CSMD3: variants seen among roughly 807,000 people sequenced by gnomAD.
CSMD3 encodes the protein CUB and Sushi multiple domains 3, also known as CUB and sushi domain-containing protein 3.
CSMD3 carries 177 observed loss-of-function variants against 435.2 expected under a neutral mutation model. The ratio of observed to expected loss-of-function variants is 0.41; its 90% CI spans 0.36 to 0.46. The LOEUF is 0.46. Among genes scored for constraint, CSMD3 ranks in the 20% least tolerant of loss-of-function variants. The probability of loss-of-function intolerance (pLI) is 0.34; values close to 1 mark genes in which losing one functional copy is unlikely to be tolerated. For missense variants in CSMD3, 4,265 were observed against 4,504.6 expected, an observed-to-expected ratio of 0.95 and a Z score of 1.52; for synonymous variants, 1,656 against 1,520.5, an observed-to-expected ratio of 1.09 and a Z score of -2.07.
At chr8:113,326,906 T>C (rs944289172) in intron 1 of CSMD3, among the ~76,000 whole-genome samples, 2 of 152,092 alleles carry the variant, frequency 1.3e-5, no homozygotes, top group East Asian at 3.9e-4. Context: ...AATCACTCAA[T>C]AAAAAGATGG....
intron 36 of CSMD3, among the ~76,000 whole-genome samples, chr8:112,388,072 T>C (rs192178664): frequency 9.1e-4 from 139 of 152,230 alleles, no homozygotes; most frequent in Middle Eastern, 6.8e-3. Context: ...GAGACAGAAA[T>C]GTTAAGTAAG....
chr8:112,882,964 A>G (rs1418827865), intron 10 of CSMD3, among the ~76,000 whole-genome samples: 5 of 151,996 alleles, frequency 3.3e-5, no homozygotes, highest in Non-Finnish European at 7.4e-5. Context: ...CATATTTAAG[A>G]TTGAGAAGTG....
intron 1 of CSMD3, among the ~76,000 whole-genome samples, chr8:113,372,940 C>A (rs370480837): frequency 0.014 from 1,722 of 124,430 alleles, no homozygotes; most frequent in African/African-American, 0.016. Context: ...GACTCCGTCT[C>A]AAAAAAAAAA....
At chr8:112,881,292 A>G (rs1587563708) in intron 10 of CSMD3, among the ~76,000 whole-genome samples, 1 of 152,220 alleles carries the variant, frequency 6.6e-6, no homozygotes, top group East Asian at 1.9e-4. Flanking sequence ...GAGTCATATT[A>G]GAAAGTACTG....
chr8:113,052,379 T>C (rs1047079896), intron 5 of CSMD3, among the ~76,000 whole-genome samples: 8 of 152,224 alleles, frequency 5.3e-5, no homozygotes, highest in African/African-American at 1.9e-4. Context: ...TAGGTATCTG[T>C]AAGTAAAGGA....
intron 6 of CSMD3, among the ~76,000 whole-genome samples, chr8:112,979,937 A>T (rs937067554): frequency 6.6e-6 from 1 of 151,108 alleles, no homozygotes; most frequent in Non-Finnish European, 1.5e-5. Context: ...AATGATTTAC[A>T]TATATAAACA....
chr8:113,020,617 TAA>T (rs1370858045), intron 5 of CSMD3, among the ~76,000 whole-genome samples: 1 of 151,476 alleles, frequency 6.6e-6, no homozygotes, highest in Non-Finnish European at 1.5e-5. Flanking sequence ...TTCTTAATAA[TAA>T]GAGTTTCAGA....
chr8:112,910,357 G>C (rs1203091925), intron 10 of CSMD3, among the ~76,000 whole-genome samples: 2 of 151,712 alleles, frequency 1.3e-5, no homozygotes, highest in Non-Finnish European at 2.9e-5. Context: ...TCACAGAACT[G>C]CTGGGTTTCT....
intron 22 of CSMD3, among the ~76,000 whole-genome samples, chr8:112,589,778 C>T (rs938731167): frequency 4.6e-5 from 7 of 152,192 alleles, no homozygotes; most frequent in African/African-American, 1.7e-4. Flanking sequence ...ATGAAAACGT[C>T]AACTACATGA....
At chr8:112,712,318 TA>T (rs1350968558) in intron 13 of CSMD3, among the ~76,000 whole-genome samples, 2 of 152,202 alleles carry the variant, frequency 1.3e-5, no homozygotes, top group East Asian at 3.9e-4. Context: ...TTCAATTTGG[TA>T]AATGTAGTCT....
intron 27 of CSMD3, among the ~76,000 whole-genome samples, chr8:112,524,232 C>G (rs1347223016): frequency 2.0e-5 from 3 of 150,602 alleles, no homozygotes; most frequent in Non-Finnish European, 4.4e-5. Flanking sequence ...TGAAGACTAT[C>G]AAAAGGATCT....
intron 10 of CSMD3, among the ~76,000 whole-genome samples, chr8:112,914,391 C>T (rs2082515156): frequency 6.6e-6 from 1 of 151,718 alleles, no homozygotes; most frequent in African/African-American, 2.4e-5. Flanking sequence ...TAGTGGTAAA[C>T]AAAACATCCA....
chr8:112,430,288 GA>G (rs1813521516), intron 32 of CSMD3, among the ~76,000 whole-genome samples: 1 of 151,882 alleles, frequency 6.6e-6, no homozygotes, highest in Non-Finnish European at 1.5e-5. Flanking sequence ...TGGGAAAAAA[GA>G]AAGCAGTTAT....
chr8:112,823,714 A>G (rs1006125920), intron 12 of CSMD3, among the ~76,000 whole-genome samples: 2 of 152,020 alleles, frequency 1.3e-5, no homozygotes, highest in African/African-American at 4.8e-5. Context: ...GTTCTTTTGC[A>G]TTTGCTGAGG....
intron 12 of CSMD3, among the ~76,000 whole-genome samples, chr8:112,817,272 G>C (rs1247619385): frequency 6.6e-6 from 1 of 152,044 alleles, no homozygotes; most frequent in African/African-American, 2.4e-5. Context: ...TTGGTCTGCT[G>C]TATGCAGATG....
intron 4 of CSMD3, among the ~76,000 whole-genome samples, chr8:113,124,442 G>C (rs1363495413): frequency 2.0e-5 from 3 of 151,398 alleles, no homozygotes; most frequent in Non-Finnish European, 2.9e-5. Flanking sequence ...GGAAAAGTTT[G>C]ATGGGACTCT....
chr8:112,679,346 T>A (rs1226327636), intron 16 of CSMD3, among the ~76,000 whole-genome samples: 1 of 152,090 alleles, frequency 6.6e-6, no homozygotes, highest in Non-Finnish European at 1.5e-5. Flanking sequence ...TAAGATTGCT[T>A]CTGGCCCACT....
chr8:113,253,771 G>A (rs1367899182), intron 3 of CSMD3, among the ~76,000 whole-genome samples: 1 of 151,804 alleles, frequency 6.6e-6, no homozygotes, highest in Non-Finnish European at 1.5e-5. Context: ...CTAGGGAGTT[G>A]GAGGTTGCAG....
chr8:113,429,911 A>T (rs184134737), intron 1 of CSMD3, among the ~76,000 whole-genome samples: 4 of 152,300 alleles, frequency 2.6e-5, no homozygotes, highest in Admixed American at 2.6e-4. Context: ...GGACCTATGA[A>T]TGTCATGATT....
Sources: allele counts gnomAD v4.1 joint callset (sites outside exome capture counted in the v4.1 genomes callset), GRCh38; gene constraint gnomAD v4.1.1; transcripts MANE v1.5; gene names NCBI Gene and HGNC (gene_info 2026-07-23, HGNC 2026-07-21).